The following ADAMTSL5 variants were observed in gnomAD, a reference collection of about 807,000 sequenced individuals.
ADAMTSL5 encodes the protein ADAMTS like 5.
Under a neutral mutation model 51.7 loss-of-function variants are expected in ADAMTSL5, and 53 were observed. The observed-to-expected ratio is 1.03, with a 90% CI of 0.82 to 1.29. The LOEUF is 1.29. Among genes scored for constraint, ADAMTSL5 ranks in the 50% most tolerant of loss-of-function variants. The pLI is 0.00. For synonymous variants in ADAMTSL5, 285 were observed against 278.7 expected (o/e 1.02, Z -0.23); for missense variants, 770 against 676.2 (o/e 1.14, Z -1.54).
rs1913089481 is a variant in ADAMTSL5, at chr19:1,508,547, A to C, written c.385T>G (p.Cys129Gly). 1.3e-6 allele frequency: 2 copies of C among 1,574,164 alleles called. No homozygotes were observed. The highest frequency in any genetic ancestry group is 2.3e-5 in the South Asian group (2 of 87,040). ...HGAPNQCDLN[C>G]LAEGHAFYHS... ...TAGAAGGCGTGCCCCTCAGCCAGGC[A>C]GTTGAGGTCGCACTGGTTGGGCGCT... is the stretch of plus-strand genomic sequence containing the variant. The change falls in exon 6 of 12, where the codon TGC becomes GGC. Residue 129 changes from cysteine to glycine, a missense_variant. Transcript: ENST00000330475.
chr19:1,507,532 C>A, intron 8 of ADAMTSL5, 25 bp downstream of exon 8: 2 of 1,612,936 alleles, frequency 1.2e-6, no homozygotes, highest in Non-Finnish European at 1.7e-6. Context: ...CAGCCGGGTG[C>A]CTCTCGCCTC....
At position 1,506,807 on chromosome 19, in the gene ADAMTSL5, C is replaced by CG; in HGVS notation, c.973dup (p.Arg325ProfsTer31). 1.3e-6 allele frequency: 2 copies of CG among 1,541,222 alleles called. No individual in the cohort carries two copies. Among genetic ancestry groups the CG allele is most frequent in the Non-Finnish European group, 1.7e-6 (2 of 1,144,162 alleles). ...TGCGGGGGGCTGAGGCTCCACCCCCCGGGGCTGAGGCTGCCTCAGGGGCCA... is the reference window on the plus strand; with the variant it reads ...TGCGGGGGGCTGAGGCTCCACCCCCCGGGGGCTGAGGCTGCCTCAGGGGCCA... On this transcript the variant is annotated frameshift_variant, in exon 10 of 12. Transcript: ENST00000330475. LOFTEE classifies it high-confidence loss of function. This position sits in a 1 kb window ranked among gnomAD's most constrained non-coding sequence, Gnocchi z 5.6.
At position 1,507,190 on chromosome 19, in the gene ADAMTSL5, C is replaced by T. The variant is rs1391619757; in HGVS notation, c.852+52G>A. Reference sequence around the variant, plus strand: ...CTCCTACCCTCTGTCCCCAGCCTCTCCCCTCTGTCCCCAGCCGACCCCCTC... The same window carrying T: ...CTCCTACCCTCTGTCCCCAGCCTCTTCCCTCTGTCCCCAGCCGACCCCCTC... On this transcript the variant is annotated intron_variant, in intron 9 of 11. Coordinates refer to ENST00000330475, the MANE Select transcript of ADAMTSL5 (RefSeq NM_213604.3). 5.3e-6 allele frequency: 8 copies of T among 1,513,232 alleles called. No homozygotes were observed. The Admixed American group carries it at 1.6e-4, about 30-fold the overall frequency. 93.7% of individuals were successfully genotyped at this position (1,513,232 alleles called of 1,614,324 possible).
At chr19:1,508,268 C>T in intron 6 of ADAMTSL5, 159 bp from the exon 7 acceptor site, 1 of 1,035,148 alleles carries the variant, frequency 9.7e-7, no homozygotes, top group Non-Finnish European at 1.3e-6. Context: ...GGCTTGGCGC[C>T]CGGGAGTGGG....
At position 1,510,598 on chromosome 19, in the gene ADAMTSL5, C is replaced by T. The variant is rs190905142; in HGVS notation, c.191+41G>A. 3.5e-4 allele frequency: 517 copies of T among 1,491,158 alleles called. 1 individual carries two copies. In the African/African-American group the frequency reaches 6.2e-3, roughly 18 times the overall value. The allele number at this position is 1,491,158 out of a possible 1,614,324, so 92.4% of individuals were successfully genotyped here. A position where few individuals can be genotyped will look rare whatever the true frequency, so the allele number is the denominator to read the frequency against. ...GCGGCCAGGGGCCGGGCTGGGCCGG[C>T]GGGGGAGGAGGGGCAGGGACCCCCT... On this transcript the variant is annotated intron_variant, in intron 3 of 11. Coordinates refer to ENST00000330475, the MANE Select transcript of ADAMTSL5 (RefSeq NM_213604.3).
In ADAMTSL5 at chr19:1,506,417, C is replaced by G; in HGVS notation, c.1115-101G>C. 2 of 1,471,846 alleles carry G rather than the reference C, an allele frequency of 1.4e-6. No homozygotes were observed. The highest frequency in any genetic ancestry group is 9.2e-7 in the Non-Finnish European group (1 of 1,089,624). The allele number at this position is 1,471,846 out of a possible 1,614,324, so 91.2% of individuals were successfully genotyped here. ...AGGGACTGAGGGTCAGGTGGGACCTCGGGATCTATAGGGACTAGAGTCAGG... is the reference window on the plus strand; with the variant it reads ...AGGGACTGAGGGTCAGGTGGGACCTGGGGATCTATAGGGACTAGAGTCAGG... On this transcript the variant is annotated intron_variant, in intron 11 of 11. Transcript: ENST00000330475. This position sits in a 1 kb window ranked among gnomAD's most constrained non-coding sequence, Gnocchi z 5.6.
At position 1,510,842 on chromosome 19, in the gene ADAMTSL5, T is replaced by A; in HGVS notation, c.99+3A>T. On this transcript the variant is annotated splice_donor_region_variant and intron_variant, in intron 2 of 11. Coordinates refer to ENST00000330475, the MANE Select transcript of ADAMTSL5 (RefSeq NM_213604.3). ...CACCCCCTGGGCTCATGCCCCCCCT[T>A]ACCTGAGCACTGACCCCCAAACCAC... 6.5e-7 allele frequency: 1 copy of A among 1,546,994 alleles called. No homozygotes were observed. The highest frequency in any genetic ancestry group is 8.7e-7 in the Non-Finnish European group (1 of 1,152,974).
Position 1,506,188 on chromosome 19 carries a change from A to T in ADAMTSL5, c.1243T>A (p.Cys415Ser), listed in dbSNP as rs748969927. ...AREYVWAPGH[C>S]PCPMLAPHRD... is the part of the protein sequence containing the mutation. ...TGGGGTGCCAGCATCGGGCAGGGGC[A>T]GTGGCCTGGCGCCCACACGTACTCG... Residue 415 changes from cysteine (C) to serine (S), a missense_variant, in exon 12 of 12, where the codon TGC becomes AGC. Coordinates refer to ENST00000330475, the MANE Select transcript of ADAMTSL5 (RefSeq NM_213604.3). This position sits in a 1 kb window ranked among gnomAD's most constrained non-coding sequence, Gnocchi z 5.6. The T allele has an allele frequency of 6.2e-7, 1 of 1,608,970 alleles. No individual in the cohort carries two copies. The highest frequency in any genetic ancestry group is 8.5e-7 in the Non-Finnish European group (1 of 1,177,258).
chr19:1,512,243 C>T (rs1913298413), intron 1 of ADAMTSL5, among the ~76,000 whole-genome samples: 2 of 152,198 alleles, frequency 1.3e-5, no homozygotes, highest in South Asian at 4.1e-4. Context: ...AGCATTTGGA[C>T]TTCTGAGGCA....
chr19:1,507,994 T>G lies in ADAMTSL5; in HGVS notation c.601+4A>C. On this transcript the variant is annotated splice_donor_region_variant and intron_variant, in intron 7 of 11. Transcript: ENST00000330475. ...TGTGCAGGGAGGGCGGGGCAGGTAG[T>G]CACCGGCGTCACGAAACACGCGCTG... The G allele has an allele frequency of 6.3e-7, 1 of 1,586,742 alleles. No individual in the cohort carries two copies. Among genetic ancestry groups the G allele is most frequent in the East Asian group, 2.3e-5 (1 of 43,528 alleles).
rs781395531 is a variant in ADAMTSL5 at position 1,507,561 on chromosome 19, G to C, written c.684C>G (p.His228Gln). 1 of 1,613,536 alleles carries C rather than the reference G, an allele frequency of 6.2e-7. No homozygotes were observed. Among genetic ancestry groups the C allele is most frequent in the South Asian group, 1.1e-5 (1 of 91,082 alleles). The change falls in exon 8 of 12, where the codon CAC becomes CAG. Residue 228 changes from histidine to glutamine, a missense_variant. Transcript: ENST00000330475. Reference protein sequence around the residue: ...HIRVEHRSRNHLALMGGDGRY... With the variant: ...HIRVEHRSRNQLALMGGDGRY... ...TCGCCTCACATCCTAGGATACCCAG[G>C]TGGTTGCGGCTCCTGTGTTCCACGC...
chr19:1,509,656 G>GAAAGGGAA lies in ADAMTSL5; in HGVS notation c.361+493_361+494insTTCCCTTT. ...AGGGAGGGAGGGAGGGAGGAAGGAAGGGAAGGGAGAAAGGGAAGGAAGGGA... is the reference window on the plus strand; with the variant it reads ...AGGGAGGGAGGGAGGGAGGAAGGAAGAAAGGGAAGGAAGGGAGAAAGGGAAGGAAGGGA... On this transcript the variant is annotated intron_variant, in intron 5 of 11. Transcript: ENST00000330475. Among the ~76,000 whole-genome samples, 3 of 88,614 alleles carry GAAAGGGAA rather than the reference G, an allele frequency of 3.4e-5. No homozygotes were observed. The East Asian group carries it at 7.9e-4, about 23-fold the overall frequency. The allele number at this position is 88,614 out of a possible 152,430, so 58.1% of individuals were successfully genotyped here.
Position 1,506,737 on chromosome 19 carries a change from AC to A in ADAMTSL5, c.1042+1del, listed in dbSNP as rs1196742364. 61 of 1,554,908 alleles carry A rather than the reference AC, an allele frequency of 3.9e-5. No individual in the cohort carries two copies. Among genetic ancestry groups the A allele is most frequent in the Non-Finnish European group, 5.3e-5 (61 of 1,149,370 alleles). On this transcript the variant is annotated splice_donor_variant, in intron 10 of 11. Transcript: ENST00000330475. LOFTEE classifies it high-confidence loss of function. This position sits in a 1 kb window ranked among gnomAD's most constrained non-coding sequence, Gnocchi z 5.6. Reference sequence around the variant, plus strand: ...CCCCCACCCTGGCTGTCCCCACCTCACCTGGGGCCAGCGTTGGGGTCTGTGC... The same window carrying A: ...CCCCCACCCTGGCTGTCCCCACCTCACTGGGGCCAGCGTTGGGGTCTGTGC...
At chr19:1,508,199 C>G in intron 6 of ADAMTSL5, 90 bp from the exon 7 acceptor site, 1 of 1,411,878 alleles carries the variant, frequency 7.1e-7, no homozygotes, top group Non-Finnish European at 9.7e-7. Flanking sequence ...GAGGACGAGG[C>G]CTGGAGGGAA....
chr19:1,506,293 G>A lies in ADAMTSL5; in HGVS notation c.1138C>T (p.His380Tyr), dbSNP rs1037199827. ...CGGGTCTCCTGGGCCTGGTGGTGGT[G>A]GCCCAGCACTCGGGCCTGGAACACT... ...DFVFQARVLG[H>Y]HHQAQETRYE... is the part of the protein sequence containing the mutation. The change falls in exon 12 of 12, where the codon CAC (histidine) becomes TAC (tyrosine). Residue 380 changes from histidine to tyrosine, a missense_variant. By Grantham distance (83) the His-to-Tyr change is moderately conservative. Coordinates refer to ENST00000330475, the MANE Select transcript of ADAMTSL5 (RefSeq NM_213604.3). This position sits in a 1 kb window ranked among gnomAD's most constrained non-coding sequence, Gnocchi z 5.6. 6.5e-7 allele frequency: 1 copy of A among 1,549,158 alleles called. No homozygotes were observed. Among genetic ancestry groups the A allele is most frequent in the East Asian group, 2.3e-5 (1 of 44,230 alleles).
At chr19:1,512,461 A>T (rs553170317) in intron 1 of ADAMTSL5, among the ~76,000 whole-genome samples, 76 of 152,254 alleles carry the variant, frequency 5.0e-4, no homozygotes, top group African/African-American at 1.6e-3. Context: ...CAGGCGGATC[A>T]CCTGAGGTCA....
In ADAMTSL5 at chr19:1,505,864, T is replaced by C; in HGVS notation, c.*151A>G. 1 of 1,030,990 alleles carries C rather than the reference T, an allele frequency of 9.7e-7. No homozygotes were observed. The highest frequency in any genetic ancestry group is 1.4e-6 in the Non-Finnish European group (1 of 740,314). 63.9% of individuals were successfully genotyped at this position (1,030,990 alleles called of 1,614,324 possible). A position where few individuals can be genotyped will look rare whatever the true frequency, so the allele number is the denominator to read the frequency against. Reference sequence around the variant, plus strand: ...GGCTTTGACTGCATGCAGAGGTGTCTTAAGCGTGTGTGGGAGGGAGTCACA... The same window carrying C: ...GGCTTTGACTGCATGCAGAGGTGTCCTAAGCGTGTGTGGGAGGGAGTCACA... On this transcript the variant is annotated 3_prime_UTR_variant, in exon 12 of 12. Transcript: ENST00000330475.
intron 5 of ADAMTSL5, among the ~76,000 whole-genome samples, chr19:1,509,688 A>G (rs1599288573): frequency 2.1e-5 from 2 of 93,772 alleles, no homozygotes; most frequent in Non-Finnish European, 4.9e-5. Flanking sequence ...GGGAAGGAAG[A>G]AAGGGAAGGA....
chr19:1,508,121 A>G lies in ADAMTSL5; in HGVS notation c.490-12T>C. ...TCACAGCCGGCGCTCTAAAGGGTGAAGGACAGGCGCGGCGTCACTGACGCT... is the reference window on the plus strand; with the variant it reads ...TCACAGCCGGCGCTCTAAAGGGTGAGGGACAGGCGCGGCGTCACTGACGCT... On this transcript the variant is annotated splice_polypyrimidine_tract_variant and intron_variant, in intron 6 of 11. Coordinates refer to ENST00000330475, the MANE Select transcript of ADAMTSL5 (RefSeq NM_213604.3). 5 of 1,600,164 alleles carry G rather than the reference A, an allele frequency of 3.1e-6. No individual in the cohort carries two copies. Among genetic ancestry groups the G allele is most frequent in the Non-Finnish European group, 4.3e-6 (5 of 1,173,070 alleles).
Sources: allele counts gnomAD v4.1 joint callset (sites outside exome capture counted in the v4.1 genomes callset), GRCh38; gene constraint gnomAD v4.1.1; non-coding constraint Gnocchi (gnomAD v3.1); transcripts MANE v1.5; gene names NCBI Gene and HGNC (gene_info 2026-07-23, HGNC 2026-07-21).